Variants in FAM135B observed in about 807,000 individuals in gnomAD.
FAM135B encodes family with sequence similarity 135 member B.
FAM135B carries 43 observed loss-of-function variants against 127.7 expected under a neutral mutation model. That is an observed-to-expected ratio of 0.34 (90% CI 0.26 to 0.43). The LOEUF (loss-of-function observed/expected upper bound fraction) is 0.43, where lower values mean the gene tolerates loss of function less well. Ranked by LOEUF, FAM135B falls within the 20% of genes least tolerant of loss-of-function variation. The pLI, the probability that FAM135B is intolerant of heterozygous loss-of-function variation, is 1.00. For synonymous variants in FAM135B, 670 were observed against 665.1 expected (o/e 1.01, Z -0.11); for missense variants, 1,558 against 1,725.6 (o/e 0.90, Z 1.72).
At chr8:138,461,671 A>C (rs1458702975) in intron 1 of FAM135B, among the ~76,000 whole-genome samples, 8 of 152,128 alleles carry the variant, frequency 5.3e-5, no homozygotes, top group Non-Finnish European at 1.2e-4. Flanking sequence ...GAATAGGATC[A>C]CTCTCTGATA....
intron 2 of FAM135B, among the ~76,000 whole-genome samples, chr8:138,338,760 G>A (rs1828814627): frequency 6.6e-6 from 1 of 152,084 alleles, no homozygotes; most frequent in Non-Finnish European, 1.5e-5. Context: ...CCACTACTGG[G>A]TATATACCCA....
chr8:138,370,381 C>T (rs114536133), intron 1 of FAM135B, among the ~76,000 whole-genome samples: 2 of 152,020 alleles, frequency 1.3e-5, no homozygotes, highest in Non-Finnish European at 2.9e-5. Context: ...GCATGTTAGG[C>T]ATTATAACCA....
chr8:138,474,310 G>C (rs767323549), intron 1 of FAM135B, among the ~76,000 whole-genome samples: 3 of 152,092 alleles, frequency 2.0e-5, no homozygotes, highest in Non-Finnish European at 4.4e-5. Context: ...GTGGAACCTA[G>C]GGCAAATTAT....
chr8:138,353,006 G>A (rs549558739), intron 2 of FAM135B, among the ~76,000 whole-genome samples: 1 of 152,182 alleles, frequency 6.6e-6, no homozygotes, highest in South Asian at 2.1e-4. Flanking sequence ...TTCTAGGCAG[G>A]CAATGCCTCT....
Position 138,177,549 on chromosome 8 carries a change from T to A in FAM135B, c.1030-129A>T. 4.1e-6 allele frequency: 3 copies of A among 736,480 alleles called. No individual in the cohort carries two copies. In the South Asian group the frequency reaches 6.2e-5, roughly 15 times the overall value. 45.6% of individuals were successfully genotyped at this position (736,480 alleles called of 1,614,324 possible). On this transcript the variant is annotated intron_variant, in intron 10 of 19. Coordinates refer to ENST00000395297, the MANE Select transcript of FAM135B (RefSeq NM_015912.4). ...TAGGAAGAGAGCCAGGCCCCTGACCTGAAGGTTCTGAATCAACAGTCTTCA... is the reference window on the plus strand; with the variant it reads ...TAGGAAGAGAGCCAGGCCCCTGACCAGAAGGTTCTGAATCAACAGTCTTCA...
At chr8:138,371,305 A>G (rs549101287) in intron 1 of FAM135B, among the ~76,000 whole-genome samples, 12 of 152,284 alleles carry the variant, frequency 7.9e-5, no homozygotes, top group African/African-American at 2.9e-4. Context: ...GACATATGCA[A>G]ACAATAGACC....
Position 138,151,772 on chromosome 8 carries a change from C to T in FAM135B, c.2703G>A (p.Glu901=), listed in dbSNP as rs1818176100. ...PRTRSLHRAL[E]ETPKGMPKDL... is the part of the protein sequence containing the mutation. ...CTTTAGGCATGCCCTTTGGGGTTTCCTCAAGTGCTCTATGAAGAGATCTGG... is the reference window on the plus strand; with the variant it reads ...CTTTAGGCATGCCCTTTGGGGTTTCTTCAAGTGCTCTATGAAGAGATCTGG... The change falls in exon 13 of 20, where the codon GAG becomes GAA. Residue 901 remains glutamate (E), a synonymous_variant. Coordinates refer to ENST00000395297, the MANE Select transcript of FAM135B (RefSeq NM_015912.4). The T allele has an allele frequency of 6.2e-7, 1 of 1,614,116 alleles. No homozygotes were observed. The highest frequency in any genetic ancestry group is 8.5e-7 in the Non-Finnish European group (1 of 1,180,044).
intron 2 of FAM135B, among the ~76,000 whole-genome samples, chr8:138,324,889 TTACA>T (rs1827697028): frequency 6.6e-6 from 1 of 152,192 alleles, no homozygotes; most frequent in Non-Finnish European, 1.5e-5. Flanking sequence ...GAAAAGCAAC[TTACA>T]TGTAACTGCT....
intron 2 of FAM135B, among the ~76,000 whole-genome samples, chr8:138,360,340 ATTAATTG>A (rs1191557091): frequency 5.3e-5 from 8 of 152,232 alleles, no homozygotes; most frequent in African/African-American, 1.9e-4. Context: ...GAGTTTTATA[ATTAATTG>A]TTCACTTAGA....
intron 1 of FAM135B, among the ~76,000 whole-genome samples, chr8:138,488,963 CGTTT>C (rs1015353252): frequency 1.3e-5 from 2 of 152,172 alleles, no homozygotes; most frequent in African/African-American, 4.8e-5. Context: ...TCACGCCCGG[CGTTT>C]GTTTGATTTT....
At chr8:138,193,299 A>G (rs1816307505) in intron 9 of FAM135B, among the ~76,000 whole-genome samples, 1 of 152,240 alleles carries the variant, frequency 6.6e-6, no homozygotes. Context: ...GAACTGTGCC[A>G]GGCTGAGAAT....
chr8:138,407,717 G>A (rs1833605613), intron 1 of FAM135B, among the ~76,000 whole-genome samples: 1 of 152,186 alleles, frequency 6.6e-6, no homozygotes, highest in South Asian at 2.1e-4. Flanking sequence ...TTAGAAAGCT[G>A]AAACTGGATC....
At position 138,457,880 on chromosome 8, in the gene FAM135B, G is replaced by A. The variant is rs528983494; in HGVS notation, c.-20+38791C>T. ...TAATCTCAGCTACTCGAGAGGCTGC[G>A]GCAGGAGAATCACTTGATCCTAGGA... On this transcript the variant is annotated intron_variant, in intron 1 of 19. Coordinates refer to ENST00000395297, the MANE Select transcript of FAM135B (RefSeq NM_015912.4). Among the ~76,000 whole-genome samples, 361 of 151,938 alleles carry A rather than the reference G, an allele frequency of 2.4e-3. 2 individuals are homozygous for A. The highest frequency in any genetic ancestry group is 3.8e-3 in the Non-Finnish European group (260 of 67,976).
At chr8:138,238,105 C>T (rs1328137386) in intron 7 of FAM135B, among the ~76,000 whole-genome samples, 1 of 152,156 alleles carries the variant, frequency 6.6e-6, no homozygotes, top group Non-Finnish European at 1.5e-5. Flanking sequence ...CAAGGTCACA[C>T]AGCAGGTTGG....
chr8:138,251,011 C>T lies in FAM135B; in HGVS notation c.372G>A (p.Leu124=), dbSNP rs372420007. 24 of 1,613,786 alleles carry T rather than the reference C, an allele frequency of 1.5e-5. No homozygotes were observed. The highest frequency in any genetic ancestry group is 2.0e-5 in the Non-Finnish European group (24 of 1,180,004). The change falls in exon 6 of 20, where the codon TTG becomes TTA. Residue 124 remains leucine, a synonymous_variant. Transcript: ENST00000395297. Reference sequence around the variant, plus strand: ...CCATCGGTGCCCCAGCCACATCCCTCAACCTAGAAGGCAAGCATGTGAGCT... The same window carrying T: ...CCATCGGTGCCCCAGCCACATCCCTTAACCTAGAAGGCAAGCATGTGAGCT... ...DLHFTDSEQQ[L]RDVAGAPMVS...
chr8:138,158,305 A>T (rs561530544), intron 12 of FAM135B, among the ~76,000 whole-genome samples: 6 of 152,352 alleles, frequency 3.9e-5, no homozygotes, highest in African/African-American at 1.4e-4. Context: ...TTAATTCAAG[A>T]TGGATTAAAG....
In FAM135B at chr8:138,374,801, G is replaced by T. The variant is rs144011515; in HGVS notation, c.-19-6799C>A. On this transcript the variant is annotated intron_variant, in intron 1 of 19. Transcript: ENST00000395297. ...TTCTGTCGGGCTGAGTCCAGGCACA[G>T]GGTTCTGAGGATGCACAGTGATGAG... 1.1e-3 allele frequency among the ~76,000 whole-genome samples: 160 copies of T among 152,296 alleles called. 1 individual carries two copies. Among genetic ancestry groups the T allele is most frequent in the African/African-American group, 3.7e-3 (154 of 41,558 alleles).
chr8:138,367,232 T>C (rs1830793774), intron 2 of FAM135B: 2 of 327,984 alleles, frequency 6.1e-6, no homozygotes, highest in Admixed American at 4.3e-5. Context: ...GCTTTTTGTG[T>C]GTCAGTAACA....
intron 1 of FAM135B, among the ~76,000 whole-genome samples, chr8:138,485,341 G>A (rs1046380712): frequency 4.6e-5 from 7 of 151,944 alleles, no homozygotes; most frequent in African/African-American, 1.5e-4. Flanking sequence ...TATTCCCTTC[G>A]TCCATCCCAT....
Sources: gnomAD v4.1 joint callset for allele counts (sites outside exome capture counted in the v4.1 genomes callset) on GRCh38, gnomAD v4.1.1 for gene constraint, MANE v1.5 for transcripts, NCBI Gene and HGNC (gene_info 2026-07-23, HGNC 2026-07-21) for gene names.